PCLO: variants seen among roughly 807,000 people sequenced by gnomAD.
PCLO encodes the protein piccolo presynaptic cytomatrix protein.
In PCLO, 82 loss-of-function variants were observed where a neutral mutation model predicts 427.5. The ratio of observed to expected loss-of-function variants is 0.19; its 90% CI spans 0.16 to 0.23. PCLO has a LOEUF of 0.23. PCLO is among the 10% of genes least tolerant of loss of function. PCLO has a pLI of 1.00. For missense variants in PCLO, 6,239 were observed against 6,115.9 expected, an observed-to-expected ratio of 1.02 and a Z score of -0.67; for synonymous variants, 2,357 against 2,155.4, an observed-to-expected ratio of 1.09 and a Z score of -2.59.
rs2116265989 is a variant in PCLO at position 82,915,639 on chromosome 7, T to C, written c.12347A>G (p.Glu4116Gly). 6.2e-7 allele frequency: 1 copy of C among 1,613,508 alleles called. No homozygotes were observed. The highest frequency in any genetic ancestry group is 1.3e-5 in the African/African-American group (1 of 75,024). Residue 4116 changes from glutamate to glycine, a missense_variant, in exon 7 of 25, where the codon GAG becomes GGG. By Grantham distance (98) the Glu-to-Gly change is moderately conservative (BLOSUM62 -2). Transcript: ENST00000333891. ...CAGAAGCTTTAACTCGTAAGGATCC[T>C]CCATTGGGTCTTCCTCCGCCTTCAC... Reference protein sequence around the residue: ...SYVKAEEDPMEDPYELKLLKH... With the variant: ...SYVKAEEDPMGDPYELKLLKH...
At chr7:82,891,734 T>A (rs1793771518) in intron 9 of PCLO, among the ~76,000 whole-genome samples, 1 of 152,056 alleles carries the variant, frequency 6.6e-6, no homozygotes, top group African/African-American at 2.4e-5. Flanking sequence ...TATTGAGAGT[T>A]TTTATCATGA....
chr7:83,145,774 G>A (rs764563060), intron 2 of PCLO, among the ~76,000 whole-genome samples: 12 of 151,958 alleles, frequency 7.9e-5, no homozygotes, highest in Non-Finnish European at 1.6e-4. Flanking sequence ...TTTAGCTTAC[G>A]AATACTCTCA....
intron 22 of PCLO, among the ~76,000 whole-genome samples, chr7:82,771,354 T>C (rs1370592013): frequency 1.3e-5 from 2 of 151,982 alleles, no homozygotes; most frequent in African/African-American, 2.4e-5. Context: ...TAGGTTCAAA[T>C]ATAAATTATT....
intron 3 of PCLO, among the ~76,000 whole-genome samples, chr7:83,078,734 G>A (rs144661471): frequency 0.014 from 2,123 of 152,046 alleles, 47 homozygotes; most frequent in African/African-American, 0.044. Flanking sequence ...GTTTCACCAC[G>A]TTGCCCAGGC....
chr7:83,138,794 A>G (rs1791792910), intron 2 of PCLO, among the ~76,000 whole-genome samples: 1 of 150,532 alleles, frequency 6.6e-6, no homozygotes, highest in Non-Finnish European at 1.5e-5. Flanking sequence ...ACATGGACAC[A>G]GGGAGGAGAA....
chr7:83,121,053 G>A (rs1172649483), intron 3 of PCLO, among the ~76,000 whole-genome samples: 1 of 152,140 alleles, frequency 6.6e-6, no homozygotes, highest in East Asian at 1.9e-4. Context: ...GGAGGCCGAG[G>A]TGGGCAGATC....
intron 4 of PCLO, among the ~76,000 whole-genome samples, chr7:82,960,074 G>A (rs1795622539): frequency 6.6e-6 from 1 of 152,150 alleles, no homozygotes; most frequent in South Asian, 2.1e-4. Context: ...AAGGCAAACA[G>A]AATATTTTTT....
intron 3 of PCLO, among the ~76,000 whole-genome samples, chr7:83,068,873 A>G (rs886634152): frequency 1.3e-5 from 2 of 152,208 alleles, no homozygotes; most frequent in Non-Finnish European, 2.9e-5. Flanking sequence ...GGAAACAACC[A>G]AAGTATTTAC....
intron 2 of PCLO, among the ~76,000 whole-genome samples, chr7:83,151,160 A>C (rs1792118711): frequency 6.6e-6 from 1 of 152,190 alleles, no homozygotes; most frequent in African/African-American, 2.4e-5. Flanking sequence ...GCCTTTCTAG[A>C]GTTCAGAATT....
chr7:82,951,490 C>T lies in PCLO; in HGVS notation c.9098G>A (p.Gly3033Asp). 6.4e-7 allele frequency: 1 copy of T among 1,553,850 alleles called. No individual in the cohort carries two copies. Reference sequence around the variant, plus strand: ...CTTGCTTGAATAATCCATTACCTCACCTGAAATACAGGGCAGAGTTATAGT... The same window carrying T: ...CTTGCTTGAATAATCCATTACCTCATCTGAAATACAGGGCAGAGTTATAGT... ...VDLTSGRVTT[G>D]EVMDYSSKTT... Residue 3033 changes from glycine (G) to aspartate (D), a missense_variant and splice_region_variant, in exon 6 of 25, where the codon GGT (glycine) becomes GAT (aspartate). Physicochemically the swap from Gly to Asp is moderately conservative, Grantham distance 94 (BLOSUM62 -1). This residue lies in a region of PCLO where 4,677 missense variants were observed against 4,468.4 expected (regional missense o/e 1.05). Transcript: ENST00000333891.
At chr7:82,904,403 G>C (rs1794132075) in intron 8 of PCLO, among the ~76,000 whole-genome samples, 1 of 150,854 alleles carries the variant, frequency 6.6e-6, no homozygotes, top group African/African-American at 2.4e-5. Context: ...TTCCTAATAT[G>C]CATTTAAAAA....
chr7:83,022,395 G>C (rs1788367243), intron 3 of PCLO, among the ~76,000 whole-genome samples: 1 of 152,112 alleles, frequency 6.6e-6, no homozygotes, highest in Non-Finnish European at 1.5e-5. Context: ...GCAAAATTTA[G>C]TTCAAAAGTA....
intron 6 of PCLO, among the ~76,000 whole-genome samples, chr7:82,941,091 G>T (rs968919709): frequency 4.0e-5 from 6 of 148,490 alleles, no homozygotes; most frequent in Admixed American, 3.4e-4. Context: ...AATCATTAAG[G>T]TTTTTTTTTT....
intron 3 of PCLO, among the ~76,000 whole-genome samples, chr7:83,009,649 A>G (rs10435449): frequency 0.26 from 39,951 of 151,710 alleles, 6,649 homozygotes; most frequent in East Asian, 0.59. Flanking sequence ...ACTTCTTGAT[A>G]TAAGCTATTG....
At chr7:82,968,129 T>A (rs1795820816) in intron 3 of PCLO, among the ~76,000 whole-genome samples, 1 of 152,252 alleles carries the variant, frequency 6.6e-6, no homozygotes, top group Non-Finnish European at 1.5e-5. Context: ...GCCATTATAA[T>A]TCTTATTTGC....
chr7:83,068,546 T>C, intron 3 of PCLO, among the ~76,000 whole-genome samples: 1 of 152,126 alleles, frequency 6.6e-6, no homozygotes, highest in Non-Finnish European at 1.5e-5. Flanking sequence ...ATATCACTAA[T>C]CATCAGGAAA....
At chr7:82,913,365 T>C (rs17156843) in intron 7 of PCLO, among the ~76,000 whole-genome samples, 3,907 of 152,202 alleles carry the variant, frequency 0.026, 185 homozygotes, top group African/African-American at 0.089. Flanking sequence ...AAAAATCCTT[T>C]TCACAAAAAT....
chr7:83,141,226 A>G (rs955402861), intron 2 of PCLO, among the ~76,000 whole-genome samples: 5 of 152,152 alleles, frequency 3.3e-5, no homozygotes, highest in Admixed American at 6.6e-5. Context: ...AACGATATCA[A>G]TGTGTCCTGA....
At chr7:82,834,430 T>C (rs556589535) in intron 16 of PCLO, among the ~76,000 whole-genome samples, 7 of 152,172 alleles carry the variant, frequency 4.6e-5, no homozygotes, top group South Asian at 2.1e-4. Context: ...TTCTGGGCAA[T>C]AGCAAGGCTG....
Sources: gnomAD v4.1 joint callset for allele counts (sites outside exome capture counted in the v4.1 genomes callset) on GRCh38, gnomAD v4.1.1 for gene constraint, gnomAD v4.1.1 regional missense constraint, MANE v1.5 for transcripts, NCBI Gene and HGNC (gene_info 2026-07-23, HGNC 2026-07-21) for gene names.